The following PSTPIP2 variants were observed in gnomAD, a reference collection of about 807,000 sequenced individuals.
PSTPIP2 encodes the protein proline-serine-threonine phosphatase interacting protein 2.
In PSTPIP2, 33 loss-of-function variants were observed where a neutral mutation model predicts 63.3. The observed-to-expected ratio is 0.52, with a 90% CI of 0.40 to 0.70. The LOEUF is 0.70. PSTPIP2 is among the 30% of genes least tolerant of loss of function. The pLI is 0.00. For synonymous variants in PSTPIP2, 125 were observed against 132.7 expected (o/e 0.94, Z 0.40); for missense variants, 312 against 400.7 (o/e 0.78, Z 1.89).
At chr18:46,040,562 C>T (rs112684473) in intron 1 of PSTPIP2, among the ~76,000 whole-genome samples, 102 of 152,278 alleles carry the variant, frequency 6.7e-4, no homozygotes, top group African/African-American at 2.3e-3. Context: ...AAAACCCTTG[C>T]TTGTAAGCCA....
At position 46,026,702 on chromosome 18, in the gene PSTPIP2, C is replaced by T. The variant is rs145591497; in HGVS notation, c.135-2016G>A. Among the ~76,000 whole-genome samples the T allele has an allele frequency of 7.5e-3, 1,137 of 152,024 alleles. 8 individuals carry two copies. Among genetic ancestry groups the T allele is most frequent in the Non-Finnish European group, 0.013 (887 of 67,986 alleles). ...AGCAGCCCTGGCAACACAGCAAGAC[C>T]GCGCCTCTACAAAATTAAATAAATA... On this transcript the variant is annotated intron_variant, in intron 2 of 14. Transcript: ENST00000409746.
At chr18:46,022,306 G>A (rs761702447) in intron 3 of PSTPIP2, among the ~76,000 whole-genome samples, 3 of 149,712 alleles carry the variant, frequency 2.0e-5, no homozygotes, top group African/African-American at 7.3e-5. Context: ...TGTTGCATGT[G>A]TGCTTGTTTT....
At chr18:46,002,390 T>A (rs1252132254) in intron 6 of PSTPIP2, among the ~76,000 whole-genome samples, 5 of 152,200 alleles carry the variant, frequency 3.3e-5, no homozygotes, top group African/African-American at 1.2e-4. Flanking sequence ...TTTCTTATAG[T>A]GCAAAAAGTC....
chr18:46,047,259 A>G (rs1020319638), intron 1 of PSTPIP2, among the ~76,000 whole-genome samples: 2 of 152,112 alleles, frequency 1.3e-5, no homozygotes, highest in African/African-American at 4.8e-5. Context: ...GCATATATGG[A>G]TTATTATTAA....
At chr18:46,045,505 C>T (rs1908351067) in intron 1 of PSTPIP2, among the ~76,000 whole-genome samples, 1 of 151,024 alleles carries the variant, frequency 6.6e-6, no homozygotes, top group African/African-American at 2.4e-5. Context: ...ACTCTGGGGA[C>T]TGTTGTGGGG....
intron 5 of PSTPIP2, among the ~76,000 whole-genome samples, chr18:46,008,443 C>T (rs932685284): frequency 1.6e-5 from 2 of 126,768 alleles, no homozygotes; most frequent in East Asian, 2.8e-4. Flanking sequence ...TCCCGAGTAA[C>T]TGGGATTACA....
intron 1 of PSTPIP2, among the ~76,000 whole-genome samples, chr18:46,065,778 C>A (rs999750425): frequency 9.2e-5 from 14 of 151,680 alleles, no homozygotes; most frequent in Non-Finnish European, 2.1e-4. Flanking sequence ...TTTTGTATTT[C>A]TTTAGTAGAG....
Position 46,049,008 on chromosome 18 carries a change from ATGTGTGTGTGTGTGTGTGTG to A in PSTPIP2, c.34-8981_34-8962del, listed in dbSNP as rs59638072. ...CTTTCAAATGGTTCAGAAAAAAAGC[ATGTGTGTGTGTGTGTGTGTG>A]TGTGTGTGTGTGTGTGTGTGTGTGT... On this transcript the variant is annotated intron_variant, in intron 1 of 14. Transcript: ENST00000409746. 2.9e-3 allele frequency among the ~76,000 whole-genome samples: 400 copies of A among 136,370 alleles called. 2 individuals carry two copies. The highest frequency in any genetic ancestry group is 6.8e-3 in the African/African-American group (250 of 37,034). 89.5% of individuals were successfully genotyped at this position (136,370 alleles called of 152,430 possible).
At chr18:46,056,299 C>T (rs775751004) in intron 1 of PSTPIP2, among the ~76,000 whole-genome samples, 1 of 152,218 alleles carries the variant, frequency 6.6e-6, no homozygotes, top group Non-Finnish European at 1.5e-5. Context: ...TCCATGCTTC[C>T]CTCTGTTGTG....
chr18:46,027,579 A>C (rs1466561120), intron 2 of PSTPIP2, among the ~76,000 whole-genome samples: 1 of 151,916 alleles, frequency 6.6e-6, no homozygotes, highest in East Asian at 1.9e-4. Flanking sequence ...AGTCCCTGCT[A>C]CTCAGGAGGC....
intron 3 of PSTPIP2, among the ~76,000 whole-genome samples, chr18:46,021,420 T>C (rs1221983113): frequency 1.3e-5 from 1 of 75,290 alleles, no homozygotes; most frequent in Non-Finnish European, 4.4e-5. Flanking sequence ...TATATATATA[T>C]GTGTATGTGT....
chr18:46,011,326 A>AT (rs1230729989), intron 4 of PSTPIP2, 39 bp from the exon 5 acceptor site: 4 of 1,430,610 alleles, frequency 2.8e-6, no homozygotes, highest in Non-Finnish European at 3.9e-6. Context: ...AGGTCTACAT[A>AT]TGTCTGAATT....
chr18:45,984,174 TAATC>T lies in PSTPIP2; in HGVS notation c.*1281_*1284del, dbSNP rs2051445223. 1 of 151,784 alleles carries T rather than the reference TAATC, an allele frequency of 6.6e-6. No homozygotes were observed. The highest frequency in any genetic ancestry group is 6.6e-5 in the Admixed American group (1 of 15,226). 9.4% of individuals were successfully genotyped at this position (151,784 alleles called of 1,614,324 possible). On this transcript the variant is annotated 3_prime_UTR_variant, in exon 15 of 15. Coordinates refer to ENST00000409746, the MANE Select transcript of PSTPIP2 (RefSeq NM_024430.4). Reference sequence around the variant, plus strand: ...AAAAAAAGAAAAAAAGATGAGGAAATAATCAATCTTCTTCTGATCAATTTGTCCA... The same window carrying T: ...AAAAAAAGAAAAAAAGATGAGGAAATAATCTTCTTCTGATCAATTTGTCCA...
chr18:46,038,747 C>T (rs1352029646), intron 2 of PSTPIP2, among the ~76,000 whole-genome samples: 2 of 152,216 alleles, frequency 1.3e-5, no homozygotes, highest in African/African-American at 4.8e-5. Context: ...TTGGTTCACC[C>T]GTCCTCAGGC....
chr18:46,004,248 G>A (rs1460381588), intron 6 of PSTPIP2, among the ~76,000 whole-genome samples: 1 of 152,154 alleles, frequency 6.6e-6, no homozygotes, highest in Non-Finnish European at 1.5e-5. Context: ...GAAAAAGAAT[G>A]CAGCAGAACA....
chr18:46,024,530 G>T, intron 3 of PSTPIP2, 79 bp downstream of exon 3: 1 of 1,265,020 alleles, frequency 7.9e-7, no homozygotes, highest in Non-Finnish European at 1.2e-6. Context: ...CAACCTCCTG[G>T]TAACTCTGTC....
In PSTPIP2 at chr18:45,983,643, CA is replaced by C; in HGVS notation, c.*1815del. The C allele has an allele frequency of 6.6e-6, 1 of 152,226 alleles. No homozygotes were observed. The highest frequency in any genetic ancestry group is 2.1e-4 in the South Asian group (1 of 4,830). The allele number at this position is 152,226 out of a possible 1,614,324, so 9.4% of individuals were successfully genotyped here. On this transcript the variant is annotated 3_prime_UTR_variant, in exon 15 of 15. Coordinates refer to ENST00000409746, the MANE Select transcript of PSTPIP2 (RefSeq NM_024430.4). ...TTTACATCAACTACACTGACCAATA[CA>C]GAGAAAAGGGAAATCCCTGAGGAAC...
At chr18:45,988,435 G>GAAA (rs548829215) in intron 14 of PSTPIP2, among the ~76,000 whole-genome samples, 1 of 128,574 alleles carries the variant, frequency 7.8e-6, no homozygotes, top group Non-Finnish European at 1.6e-5. Flanking sequence ...ACTCTGCTTC[G>GAAA]AAAAAAAAAA....
At chr18:46,065,622 A>G (rs1909161863) in intron 1 of PSTPIP2, among the ~76,000 whole-genome samples, 1 of 152,008 alleles carries the variant, frequency 6.6e-6, no homozygotes, top group Non-Finnish European at 1.5e-5. Flanking sequence ...ACCCACCACC[A>G]CGCCCGGCTA....
Sources: gnomAD v4.1 joint callset for allele counts (sites outside exome capture counted in the v4.1 genomes callset) on GRCh38, gnomAD v4.1.1 for gene constraint, MANE v1.5 for transcripts, NCBI Gene and HGNC (gene_info 2026-07-23, HGNC 2026-07-21) for gene names.